The following FHOD3 variants were observed in gnomAD, a reference collection of about 807,000 sequenced individuals.
FHOD3 encodes formin homology 2 domain containing 3, also known as FH1/FH2 domain-containing protein 3.
FHOD3 carries 90 observed loss-of-function variants against 173.0 expected under a neutral mutation model. The observed-to-expected ratio is 0.52, with a 90% CI of 0.44 to 0.62. The LOEUF (loss-of-function observed/expected upper bound fraction) is 0.62, where lower values mean the gene tolerates loss of function less well. Ranked by LOEUF, FHOD3 falls within the 20% of genes least tolerant of loss-of-function variation. The pLI is 0.00. For missense variants in FHOD3, 1,945 were observed against 2,034.7 expected (o/e 0.96, Z 0.85); for synonymous variants, 828 against 823.0 (o/e 1.01, Z -0.10).
intron 14 of FHOD3, among the ~76,000 whole-genome samples, chr18:36,662,472 C>T (rs543095219): frequency 8.5e-5 from 13 of 152,338 alleles, no homozygotes; most frequent in African/African-American, 3.1e-4. Flanking sequence ...ATTCTGTTCT[C>T]TTTTCCACTT....
Position 36,769,433 on chromosome 18 carries a change from G to T in FHOD3, c.4786+7G>T. The T allele has an allele frequency of 6.2e-7, 1 of 1,613,704 alleles. No individual in the cohort carries two copies. The highest frequency in any genetic ancestry group is 2.2e-5 in the East Asian group (1 of 44,844). ...CGGGCCAACCGGAAATCTTGTGAGT[G>T]CATTAAAGGAGGGGCGAGCCTTCAC... On this transcript the variant is annotated splice_region_variant and intron_variant, in intron 28 of 28. Transcript: ENST00000590592.
At chr18:36,424,950 G>T (rs1276215170) in intron 3 of FHOD3, among the ~76,000 whole-genome samples, 1 of 152,148 alleles carries the variant, frequency 6.6e-6, no homozygotes, top group East Asian at 1.9e-4. Context: ...TTGTGTTCAT[G>T]TAACTCTTAT....
intron 2 of FHOD3, among the ~76,000 whole-genome samples, chr18:36,372,355 A>G (rs901477550): frequency 2.0e-5 from 3 of 152,190 alleles, no homozygotes; most frequent in African/African-American, 7.2e-5. Context: ...ACATTCCAGG[A>G]ATTTCACTTC....
chr18:36,517,983 A>T (rs1033307508), intron 5 of FHOD3, among the ~76,000 whole-genome samples: 11 of 152,230 alleles, frequency 7.2e-5, no homozygotes, highest in Non-Finnish European at 1.5e-4. Context: ...AGAAATGGAA[A>T]TATCATAGAT....
intron 18 of FHOD3, among the ~76,000 whole-genome samples, chr18:36,717,500 A>G (rs1397299391): frequency 2.0e-5 from 3 of 152,134 alleles, no homozygotes; most frequent in African/African-American, 7.2e-5. Context: ...AAGTTAGGGC[A>G]GAGGCTCCTT....
At chr18:36,388,402 C>T (rs1598930493) in intron 3 of FHOD3, among the ~76,000 whole-genome samples, 1 of 152,222 alleles carries the variant, frequency 6.6e-6, no homozygotes, top group South Asian at 2.1e-4. Flanking sequence ...GTCAGAGGGC[C>T]AGCCCAGTCC....
At chr18:36,492,867 C>T (rs1234265414) in intron 3 of FHOD3, among the ~76,000 whole-genome samples, 4 of 152,188 alleles carry the variant, frequency 2.6e-5, no homozygotes, top group South Asian at 2.1e-4. Context: ...TGAATTTACA[C>T]GGTGGCATAA....
chr18:36,686,143 A>G (rs1600236139), intron 15 of FHOD3, among the ~76,000 whole-genome samples: 1 of 152,264 alleles, frequency 6.6e-6, no homozygotes, highest in South Asian at 2.1e-4. Context: ...TCTTAAAGAC[A>G]TATGCATACG....
chr18:36,299,850 A>G (rs1313533419), intron 1 of FHOD3, among the ~76,000 whole-genome samples: 3 of 152,228 alleles, frequency 2.0e-5, no homozygotes, highest in South Asian at 2.1e-4. Context: ...AGACCCCTGC[A>G]GTATATTTAG....
In FHOD3 at chr18:36,369,440, AACACACACACACACACACAC is replaced by A. The variant is rs59109469; in HGVS notation, c.273-3200_273-3181del. 6.8e-3 allele frequency among the ~76,000 whole-genome samples: 642 copies of A among 94,218 alleles called. 5 individuals carry two copies. The highest frequency in any genetic ancestry group is 0.021 in the African/African-American group (529 of 25,100). The allele number at this position is 94,218 out of a possible 152,430, so 61.8% of individuals were successfully genotyped here. On this transcript the variant is annotated intron_variant, in intron 2 of 28. Coordinates refer to ENST00000590592, the MANE Select transcript of FHOD3 (RefSeq NM_001281740.3). ...GATGTCCTTTGTTTTATTTTATTTA[AACACACACACACACACACAC>A]ACACACACACACACACACACACACA...
chr18:36,626,715 G>A (rs1364485719), intron 10 of FHOD3, among the ~76,000 whole-genome samples: 1 of 152,168 alleles, frequency 6.6e-6, no homozygotes, highest in Non-Finnish European at 1.5e-5. Context: ...GATCCTCCTG[G>A]GAGTCAAATT....
At chr18:36,340,798 G>A (rs551388954) in intron 1 of FHOD3, among the ~76,000 whole-genome samples, 2 of 151,752 alleles carry the variant, frequency 1.3e-5, no homozygotes, top group East Asian at 3.9e-4. Context: ...CACCACGCCC[G>A]GCTAATTTTT....
At position 36,297,729 on chromosome 18, in the gene FHOD3, G is replaced by T. The variant is rs2091829766; in HGVS notation, c.-107G>T. On this transcript the variant is annotated 5_prime_UTR_variant, in exon 1 of 29. Transcript: ENST00000590592. ...GGCGCGCCTGAGCCTGCGAGTCCGC[G>T]AGCCAGCGAGCTGCGGCTGCGGCCT... is the stretch of plus-strand genomic sequence containing the variant. 6 of 862,820 alleles carry T rather than the reference G, an allele frequency of 7.0e-6. No homozygotes were observed. The Admixed American group carries it at 3.1e-4, about 45-fold the overall frequency. 53.4% of individuals were successfully genotyped at this position (862,820 alleles called of 1,614,324 possible).
At chr18:36,454,101 G>A (rs1052822037) in intron 3 of FHOD3, among the ~76,000 whole-genome samples, 10 of 151,976 alleles carry the variant, frequency 6.6e-5, no homozygotes, top group Non-Finnish European at 1.5e-4. Context: ...ATGAGAGCTC[G>A]GGCAGTGTTG....
chr18:36,364,877 T>C (rs2046819684), intron 2 of FHOD3, among the ~76,000 whole-genome samples: 1 of 151,500 alleles, frequency 6.6e-6, no homozygotes, highest in South Asian at 2.1e-4. Flanking sequence ...GAGCAGGAGA[T>C]TTAGGGTGTC....
rs1045283985 is a variant in FHOD3, at chr18:36,486,339, G to A, written c.338-15593G>A. Among the ~76,000 whole-genome samples the A allele has an allele frequency of 2.6e-5, 4 of 152,298 alleles. No homozygotes were observed. The East Asian group carries it at 5.8e-4, about 22-fold the overall frequency. ...GCATTCATGGTCAGTAATGATTTTT[G>A]TGTTGCTTTATATTCATAGGATGTT... On this transcript the variant is annotated intron_variant, in intron 3 of 28. Coordinates refer to ENST00000590592, the MANE Select transcript of FHOD3 (RefSeq NM_001281740.3).
chr18:36,752,259 A>G lies in FHOD3; in HGVS notation c.4233-2860A>G, dbSNP rs549507111. On this transcript the variant is annotated intron_variant, in intron 24 of 28. Coordinates refer to ENST00000590592, the MANE Select transcript of FHOD3 (RefSeq NM_001281740.3). ...TGAGATTTGGGTGGAGACACAGCCAAACCATATCAAAAGCCTTCCTGGGAG... is the reference window on the plus strand; with the variant it reads ...TGAGATTTGGGTGGAGACACAGCCAGACCATATCAAAAGCCTTCCTGGGAG... 2.6e-5 allele frequency among the ~76,000 whole-genome samples: 4 copies of G among 152,290 alleles called. No homozygotes were observed. In the South Asian group the frequency reaches 8.3e-4, roughly 32 times the overall value.
chr18:36,706,049 A>G (rs1186895101), intron 17 of FHOD3, among the ~76,000 whole-genome samples: 2 of 151,268 alleles, frequency 1.3e-5, no homozygotes, highest in African/African-American at 4.9e-5. Flanking sequence ...AAAGGGGAGG[A>G]GAAATGTTCT....
intron 2 of FHOD3, among the ~76,000 whole-genome samples, chr18:36,356,606 T>C (rs1224147043): frequency 2.6e-5 from 4 of 151,888 alleles, no homozygotes; most frequent in Non-Finnish European, 4.4e-5. Context: ...ACTACAGACA[T>C]GTGCCACTGT....
Sources: allele counts gnomAD v4.1 joint callset (sites outside exome capture counted in the v4.1 genomes callset), GRCh38; gene constraint gnomAD v4.1.1; transcripts MANE v1.5; gene names NCBI Gene and HGNC (gene_info 2026-07-23, HGNC 2026-07-21).